The following MGMT variants were observed in gnomAD, a reference collection of about 807,000 sequenced individuals.
The protein encoded by MGMT is O-6-methylguanine-DNA methyltransferase, also known as methylated-DNA--protein-cysteine methyltransferase.
Under a neutral mutation model 15.9 loss-of-function variants are expected in MGMT, and 14 were observed. The observed-to-expected ratio is 0.88, with a 90% CI of 0.58 to 1.37. MGMT has a LOEUF of 1.37. Ranked by LOEUF, MGMT falls within the 40% of genes most tolerant of loss-of-function variation. The pLI is 0.00. For missense variants in MGMT, 282 were observed against 268.1 expected (o/e 1.05, Z -0.36); for synonymous variants, 130 against 118.2 (o/e 1.10, Z -0.65).
intron 3 of MGMT, among the ~76,000 whole-genome samples, chr10:129,735,726 C>A (rs1848552768): frequency 1.0e-5 from 1 of 96,712 alleles, no homozygotes; most frequent in African/African-American, 4.3e-5. Context: ...CTACACACTG[C>A]TTTGAATGCG....
rs576814526 is a variant in MGMT, at chr10:129,716,233, T to C, written c.274+8190T>C. Among the ~76,000 whole-genome samples the C allele has an allele frequency of 9.2e-5, 14 of 152,318 alleles. No individual in the cohort carries two copies. In the South Asian group the frequency reaches 1.9e-3, roughly 20 times the overall value. The stretch of plus-strand genomic sequence containing the variant: ...TCTCTGCCCTTCCAAAGATTCAGGT[T>C]AGGTATTGGTAACGCCCAGGAAGCA... On this transcript the variant is annotated intron_variant, in intron 3 of 4. Coordinates refer to ENST00000651593, the MANE Select transcript of MGMT (RefSeq NM_002412.5).
chr10:129,524,328 ATGT>A (rs1414840171), intron 1 of MGMT, among the ~76,000 whole-genome samples: 4 of 152,204 alleles, frequency 2.6e-5, no homozygotes, highest in Non-Finnish European at 5.9e-5. Context: ...TGCCATTAAA[ATGT>A]TGTTCTCTAC....
intron 1 of MGMT, among the ~76,000 whole-genome samples, chr10:129,525,493 G>A (rs776008752): frequency 2.6e-5 from 4 of 152,136 alleles, no homozygotes; most frequent in Non-Finnish European, 2.9e-5. Context: ...TTAATAAGAC[G>A]CACGTGCCTG....
chr10:129,714,859 C>T (rs1193986640), intron 3 of MGMT, among the ~76,000 whole-genome samples: 1 of 152,320 alleles, frequency 6.6e-6, no homozygotes, highest in African/African-American at 2.4e-5. Flanking sequence ...AACAGAACCA[C>T]AGCCTGCTGA....
At position 129,572,663 on chromosome 10, in the gene MGMT, C is replaced by T. The variant is rs560654559; in HGVS notation, c.125+36286C>T. Among the ~76,000 whole-genome samples, 10 of 152,280 alleles carry T rather than the reference C, an allele frequency of 6.6e-5. No individual in the cohort carries two copies. The East Asian group carries it at 1.9e-3, about 29-fold the overall frequency. ...ATGACAAATTAATTCAGAAATCTTT[C>T]CACTCAGTGTAGATATTAAGTTGTG... On this transcript the variant is annotated intron_variant, in intron 2 of 4. Transcript: ENST00000651593.
chr10:129,721,349 A>T (rs1049302307), intron 3 of MGMT, among the ~76,000 whole-genome samples: 1 of 152,252 alleles, frequency 6.6e-6, no homozygotes, highest in Non-Finnish European at 1.5e-5. Flanking sequence ...AGAATTCCAG[A>T]GGTCTGCATG....
chr10:129,753,895 A>C (rs1368530496), intron 3 of MGMT, among the ~76,000 whole-genome samples: 1 of 152,194 alleles, frequency 6.6e-6, no homozygotes, highest in East Asian at 1.9e-4. Flanking sequence ...TCTGGGTTTT[A>C]TATAAATCCT....
chr10:129,579,431 G>A (rs1031264644), intron 2 of MGMT, among the ~76,000 whole-genome samples: 12 of 152,350 alleles, frequency 7.9e-5, no homozygotes, highest in South Asian at 6.2e-4. Context: ...TCATGGCAGC[G>A]TCAGATGGAA....
intron 3 of MGMT, among the ~76,000 whole-genome samples, chr10:129,742,958 G>T (rs1368227995): frequency 6.6e-6 from 1 of 152,158 alleles, no homozygotes; most frequent in Non-Finnish European, 1.5e-5. Context: ...AGGGCCGGAA[G>T]ATGGCAACTT....
chr10:129,604,792 A>T (rs1029792030), intron 2 of MGMT, among the ~76,000 whole-genome samples: 1 of 143,118 alleles, frequency 7.0e-6, no homozygotes, highest in African/African-American at 2.6e-5. Flanking sequence ...CATTTTCACA[A>T]TGATGTCTCC....
intron 3 of MGMT, among the ~76,000 whole-genome samples, chr10:129,717,429 T>G (rs1488821764): frequency 6.6e-6 from 1 of 152,216 alleles, no homozygotes; most frequent in Non-Finnish European, 1.5e-5. Flanking sequence ...AATAGTGAAA[T>G]GCAAAATAAT....
At chr10:129,721,273 C>A (rs1409358425) in intron 3 of MGMT, among the ~76,000 whole-genome samples, 1 of 152,234 alleles carries the variant, frequency 6.6e-6, no homozygotes, top group African/African-American at 2.4e-5. Context: ...AGGTTGTGTG[C>A]CCTAGTGCTC....
rs147778717 is a variant in MGMT at position 129,579,660 on chromosome 10, T to G, written c.125+43283T>G. On this transcript the variant is annotated intron_variant, in intron 2 of 4. Transcript: ENST00000651593. ...ACATGGAACGAGCATGGCTCATAAT[T>G]TTGAGTTTCTTCTTCTGGAGCCTTA... 3.3e-5 allele frequency among the ~76,000 whole-genome samples: 5 copies of G among 152,352 alleles called. No homozygotes were observed. The East Asian group carries it at 9.6e-4, about 29-fold the overall frequency.
chr10:129,686,711 T>C (rs1353305049), intron 2 of MGMT, among the ~76,000 whole-genome samples: 1 of 152,204 alleles, frequency 6.6e-6, no homozygotes, highest in African/African-American at 2.4e-5. Flanking sequence ...GGAGGTCACC[T>C]GTCCTGGACG....
chr10:129,480,447 T>A (rs1275575442), intron 1 of MGMT, among the ~76,000 whole-genome samples: 2 of 152,238 alleles, frequency 1.3e-5, no homozygotes, highest in Non-Finnish European at 2.9e-5. Context: ...GTTATACAGA[T>A]CTTTCAAATA....
At position 129,659,418 on chromosome 10, in the gene MGMT, C is replaced by T. The variant is rs939856196; in HGVS notation, c.126-48477C>T. Among the ~76,000 whole-genome samples the T allele has an allele frequency of 3.3e-5, 5 of 151,414 alleles. No individual in the cohort carries two copies. Among genetic ancestry groups the T allele is most frequent in the Non-Finnish European group, 5.9e-5 (4 of 67,978 alleles). Reference sequence around the variant, plus strand: ...CTCTGCCTGGGTTGTTTTCTAAATGCGTTTGGCTGGAGATAGAACAGATCC... The same window carrying T: ...CTCTGCCTGGGTTGTTTTCTAAATGTGTTTGGCTGGAGATAGAACAGATCC... On this transcript the variant is annotated intron_variant, in intron 2 of 4. Transcript: ENST00000651593. This position sits in a 1 kb window ranked among gnomAD's most constrained non-coding sequence, Gnocchi z 4.1.
chr10:129,729,289 G>A (rs908529485), intron 3 of MGMT, among the ~76,000 whole-genome samples: 4 of 152,190 alleles, frequency 2.6e-5, no homozygotes, highest in African/African-American at 9.7e-5. Context: ...GCACAGGGAA[G>A]GCACCTTTGC....
At chr10:129,527,281 C>G (rs977336204) in intron 1 of MGMT, among the ~76,000 whole-genome samples, 1 of 151,636 alleles carries the variant, frequency 6.6e-6, no homozygotes, top group African/African-American at 2.4e-5. Flanking sequence ...GTGCACATGC[C>G]CTGTTACAGC....
At chr10:129,706,662 G>T (rs890083756) in intron 2 of MGMT, among the ~76,000 whole-genome samples, 1 of 152,114 alleles carries the variant, frequency 6.6e-6, no homozygotes, top group Non-Finnish European at 1.5e-5. Context: ...TGAAGAAATC[G>T]GACCCAGGGC....
Sources: allele counts gnomAD v4.1 joint callset (sites outside exome capture counted in the v4.1 genomes callset), GRCh38; gene constraint gnomAD v4.1.1; non-coding constraint Gnocchi (gnomAD v3.1); transcripts MANE v1.5; gene names NCBI Gene and HGNC (gene_info 2026-07-23, HGNC 2026-07-21).